The following FAM193A variants were observed in gnomAD, a reference collection of about 807,000 sequenced individuals.
FAM193A encodes family with sequence similarity 193 member A, also known as protein FAM193A.
Under a neutral mutation model 126.5 loss-of-function variants are expected in FAM193A, and 22 were observed. The ratio of observed to expected loss-of-function variants is 0.17; its 90% CI spans 0.12 to 0.25. The LOEUF (loss-of-function observed/expected upper bound fraction) is 0.25, where lower values mean the gene tolerates loss of function less well. FAM193A is among the 10% of genes least tolerant of loss of function. FAM193A has a pLI of 1.00. For missense variants in FAM193A, 1,675 were observed against 1,672.8 expected (o/e 1.00, Z -0.02); for synonymous variants, 761 against 646.8 (o/e 1.18, Z -2.68).
chr4:2,723,780 G>C (rs1289612323), intron 20 of FAM193A, among the ~76,000 whole-genome samples: 1 of 150,342 alleles, frequency 6.7e-6, no homozygotes, highest in East Asian at 1.9e-4. Flanking sequence ...GGTTTTGGAG[G>C]GTTGGGGTTT....
chr4:2,699,922 A>G lies in FAM193A; in HGVS notation c.3750A>G (p.Thr1250=), dbSNP rs771470613. 1 of 1,614,140 alleles carries G rather than the reference A, an allele frequency of 6.2e-7. No individual in the cohort carries two copies. Among genetic ancestry groups the G allele is most frequent in the Non-Finnish European group, 8.5e-7 (1 of 1,180,030 alleles). ...DMLTRNFQAA[T]ESVPNSGNIH... ...TCACTAGAAATTTCCAGGCAGCAACAGAGTCTGTTCCTAACTCTGGAAACA... is the reference window on the plus strand; with the variant it reads ...TCACTAGAAATTTCCAGGCAGCAACGGAGTCTGTTCCTAACTCTGGAAACA... The change falls in exon 19 of 21, where the codon ACA becomes ACG. Residue 1250 remains threonine (T), a synonymous_variant. Coordinates refer to ENST00000637812, the MANE Select transcript of FAM193A (RefSeq NM_001366318.2).
In FAM193A at chr4:2,671,521, A is replaced by G. The variant is rs1198618220; in HGVS notation, c.2080-600A>G. On this transcript the variant is annotated intron_variant, in intron 12 of 20. Coordinates refer to ENST00000637812, the MANE Select transcript of FAM193A (RefSeq NM_001366318.2). ...GTGCAGGAAATGGAAAGAGTCCCAG[A>G]CAAGAAAGCCAGACTTGCTGTTCTT... Among the ~76,000 whole-genome samples the G allele has an allele frequency of 3.3e-5, 5 of 152,224 alleles. No homozygotes were observed. In the East Asian group the frequency reaches 9.6e-4, roughly 29 times the overall value.
intron 17 of FAM193A, among the ~76,000 whole-genome samples, chr4:2,695,637 T>C (rs984557924): frequency 6.6e-6 from 1 of 152,218 alleles, no homozygotes; most frequent in African/African-American, 2.4e-5. Context: ...TTTCCTAAAA[T>C]GTTCACATGT....
intron 20 of FAM193A, among the ~76,000 whole-genome samples, chr4:2,730,497 T>C (rs995870603): frequency 1.3e-5 from 2 of 152,070 alleles, no homozygotes; most frequent in Admixed American, 6.6e-5. Flanking sequence ...GAGAGCATCC[T>C]GGCTAACATG....
At chr4:2,548,544 C>G (rs1737709632) in intron 1 of FAM193A, among the ~76,000 whole-genome samples, 1 of 151,998 alleles carries the variant, frequency 6.6e-6, no homozygotes. Context: ...GCAGCCTCCG[C>G]CTCCCAGATT....
At chr4:2,570,433 G>A (rs1052807158) in intron 1 of FAM193A, among the ~76,000 whole-genome samples, 1 of 152,132 alleles carries the variant, frequency 6.6e-6, no homozygotes, top group Non-Finnish European at 1.5e-5. Flanking sequence ...TTGGTGACAT[G>A]GCTCAGGAGA....
At chr4:2,669,260 C>T (rs1713512886) in intron 12 of FAM193A, among the ~76,000 whole-genome samples, 2 of 152,256 alleles carry the variant, frequency 1.3e-5, no homozygotes, top group South Asian at 2.1e-4. Context: ...ATATGTCTTA[C>T]AGGACCAGTT....
intron 13 of FAM193A, among the ~76,000 whole-genome samples, chr4:2,686,141 T>G (rs1359779050): frequency 6.6e-6 from 1 of 152,232 alleles, no homozygotes; most frequent in Admixed American, 6.5e-5. Flanking sequence ...GTAGGCATCT[T>G]CTGCAAAAGC....
Position 2,639,731 on chromosome 4 carries a change from C to G in FAM193A, c.1039-4C>G. On this transcript the variant is annotated splice_polypyrimidine_tract_variant and splice_region_variant and intron_variant, in intron 5 of 20. Transcript: ENST00000637812. ...CTGTTTATCTTTTACTTTTTCTTAA[C>G]CAGGAAAATGAACACTTGAAAAAGT... is the stretch of plus-strand genomic sequence containing the variant. 6.2e-7 allele frequency: 1 copy of G among 1,605,380 alleles called. No homozygotes were observed. The highest frequency in any genetic ancestry group is 8.5e-7 in the Non-Finnish European group (1 of 1,175,296).
At chr4:2,551,298 C>T (rs768742177) in intron 1 of FAM193A, among the ~76,000 whole-genome samples, 10 of 152,126 alleles carry the variant, frequency 6.6e-5, no homozygotes, top group Non-Finnish European at 1.5e-4. Context: ...GGAATATTTG[C>T]ATTATGCTGA....
At chr4:2,657,050 C>T (rs143247822) in intron 7 of FAM193A, among the ~76,000 whole-genome samples, 1 of 152,216 alleles carries the variant, frequency 6.6e-6, no homozygotes, top group East Asian at 1.9e-4. Context: ...ACCTATAATC[C>T]CAGCTAACTC....
intron 19 of FAM193A, among the ~76,000 whole-genome samples, chr4:2,705,047 GATTAC>G (rs1036447107): frequency 6.6e-6 from 1 of 152,192 alleles, no homozygotes; most frequent in African/African-American, 2.4e-5. Flanking sequence ...GAGTAGCTGG[GATTAC>G]AGGTGCCCAC....
chr4:2,582,109 A>T (rs886925591), intron 1 of FAM193A, among the ~76,000 whole-genome samples: 1 of 151,734 alleles, frequency 6.6e-6, no homozygotes, highest in East Asian at 1.9e-4. Flanking sequence ...TCCATGTGTA[A>T]TGTTTCTTTT....
intron 20 of FAM193A, among the ~76,000 whole-genome samples, chr4:2,730,429 G>A (rs1560629999): frequency 6.6e-6 from 1 of 152,096 alleles, no homozygotes; most frequent in African/African-American, 2.4e-5. Context: ...GGTGGCTCAC[G>A]ACTGTAATCC....
intron 1 of FAM193A, among the ~76,000 whole-genome samples, chr4:2,590,612 T>G (rs1021564265): frequency 1.7e-4 from 26 of 152,026 alleles, no homozygotes; most frequent in African/African-American, 6.3e-4. Context: ...CCCTTAGCAT[T>G]TACTGGGCGC....
intron 2 of FAM193A, among the ~76,000 whole-genome samples, chr4:2,618,652 A>G (rs1020627455): frequency 4.1e-5 from 6 of 147,518 alleles, no homozygotes; most frequent in Admixed American, 2.7e-4. Context: ...CTGAAGTGCA[A>G]TGGTGTGATC....
chr4:2,593,365 T>C (rs1331139429), intron 1 of FAM193A, among the ~76,000 whole-genome samples: 1 of 152,160 alleles, frequency 6.6e-6, no homozygotes, highest in Admixed American at 6.5e-5. Flanking sequence ...CCTTCTGCTC[T>C]TGTCAGCCCC....
chr4:2,703,001 G>A (rs1197314690), intron 19 of FAM193A, among the ~76,000 whole-genome samples: 1 of 151,792 alleles, frequency 6.6e-6, no homozygotes, highest in East Asian at 1.9e-4. Flanking sequence ...CCCACTCCCT[G>A]TAGGTAACTA....
intron 19 of FAM193A, among the ~76,000 whole-genome samples, chr4:2,707,148 A>G (rs575763001): frequency 1.3e-5 from 2 of 152,094 alleles, no homozygotes; most frequent in East Asian, 1.9e-4. Flanking sequence ...AGTTGTTGGT[A>G]TCTTTGTCAG....
Sources: gnomAD v4.1 joint callset for allele counts (sites outside exome capture counted in the v4.1 genomes callset) on GRCh38, gnomAD v4.1.1 for gene constraint, MANE v1.5 for transcripts, NCBI Gene and HGNC (gene_info 2026-07-23, HGNC 2026-07-21) for gene names.